The following FKBP14 variants were observed in gnomAD, a reference collection of about 807,000 sequenced individuals.
The protein encoded by FKBP14 is peptidyl-prolyl cis-trans isomerase FKBP14.
In FKBP14, 20 loss-of-function variants were observed where a neutral mutation model predicts 21.6. That is an observed-to-expected ratio of 0.92 (90% confidence interval 0.65 to 1.34). The LOEUF (loss-of-function observed/expected upper bound fraction) is 1.34. Ranked by LOEUF, FKBP14 falls within the 40% of genes most tolerant of loss-of-function variation. The pLI is 0.00. For missense variants in FKBP14, 253 were observed against 249.0 expected, an observed-to-expected ratio of 1.02 and a Z score of -0.11; for synonymous variants, 79 against 86.7, an observed-to-expected ratio of 0.91 and a Z score of 0.49.
chr7:30,015,890 G>A (rs1445581862), intron 3 of FKBP14, among the ~76,000 whole-genome samples: 2 of 151,832 alleles, frequency 1.3e-5, no homozygotes, highest in African/African-American at 4.8e-5. Context: ...CTCCCAAAGT[G>A]CTGGGATTAC....
rs549724756 is a variant in FKBP14 at position 30,022,587 on chromosome 7, T to C, written c.349+78A>G. The C allele has an allele frequency of 9.9e-5, 142 of 1,436,520 alleles. 1 individual carries two copies. In the South Asian group the frequency reaches 2.0e-3, roughly 20 times the overall value. 89.0% of individuals were successfully genotyped at this position (1,436,520 alleles called of 1,614,324 possible). Reference sequence around the variant, plus strand: ...ACTTCCAGGGGAAAAAAAAAAGTTATAGTGACTCTAACTTCTGTCTCCTAA... The same window carrying C: ...ACTTCCAGGGGAAAAAAAAAAGTTACAGTGACTCTAACTTCTGTCTCCTAA... On this transcript the variant is annotated intron_variant, in intron 2 of 3. Transcript: ENST00000222803.
Position 30,014,540 on chromosome 7 carries a change from CT to C in FKBP14, c.*194del. On this transcript the variant is annotated 3_prime_UTR_variant, in exon 4 of 4. Coordinates refer to ENST00000222803, the MANE Select transcript of FKBP14 (RefSeq NM_017946.4). ...AGTCTTCTATTCAAAGACCAATTAGCTTTTTCTTCCCAATAACTTATCAGAA... is the reference window on the plus strand; with the variant it reads ...AGTCTTCTATTCAAAGACCAATTAGCTTTTCTTCCCAATAACTTATCAGAA... 2.8e-6 allele frequency: 1 copy of C among 355,902 alleles called. No individual in the cohort carries two copies. The highest frequency in any genetic ancestry group is 4.9e-6 in the Non-Finnish European group (1 of 203,128). The allele number at this position is 355,902 out of a possible 1,614,324, so 22.0% of individuals were successfully genotyped here. A position where few individuals can be genotyped will look rare whatever the true frequency, so the allele number is the denominator to read the frequency against.
Position 30,010,650 on chromosome 7 carries a change from T to C in FKBP14, c.*4085A>G, listed in dbSNP as rs1335757386. The C allele has an allele frequency of 6.6e-6, 1 of 152,214 alleles. No individual in the cohort carries two copies. The highest frequency in any genetic ancestry group is 1.5e-5 in the Non-Finnish European group (1 of 68,044). 9.4% of individuals were successfully genotyped at this position (152,214 alleles called of 1,614,324 possible). A position where few individuals can be genotyped will look rare whatever the true frequency, so the allele number is the denominator to read the frequency against. Reference sequence around the variant, plus strand: ...CAATATAGTCATGTAAATTTAAATATGGCACACTGAGCAGTATTGACGCAA... The same window carrying C: ...CAATATAGTCATGTAAATTTAAATACGGCACACTGAGCAGTATTGACGCAA... On this transcript the variant is annotated 3_prime_UTR_variant, in exon 4 of 4. Coordinates refer to ENST00000222803, the MANE Select transcript of FKBP14 (RefSeq NM_017946.4).
chr7:30,024,474 C>T (rs1237033361), intron 1 of FKBP14, among the ~76,000 whole-genome samples: 1 of 152,216 alleles, frequency 6.6e-6, no homozygotes, highest in African/African-American at 2.4e-5. Flanking sequence ...AATCTTGGCT[C>T]ACTGCAGCCT....
chr7:30,022,168 A>C (rs1210306555), intron 2 of FKBP14, among the ~76,000 whole-genome samples: 1 of 152,222 alleles, frequency 6.6e-6, no homozygotes, highest in African/African-American at 2.4e-5. Context: ...AAATGCATTC[A>C]ATACTTTAAT....
At chr7:30,019,161 C>A in intron 2 of FKBP14, 38 bp from the exon 3 acceptor site, 1 of 1,541,130 alleles carries the variant, frequency 6.5e-7, no homozygotes, top group Non-Finnish European at 8.6e-7. Context: ...TTTAAAAGAG[C>A]CAAAAGTTTT....
rs112905680 is a variant in FKBP14 at position 30,026,475 on chromosome 7, G to C, written c.34C>G (p.Leu12Val). 5.3e-4 allele frequency: 860 copies of C among 1,613,416 alleles called. 5 individuals are homozygous for C. In the African/African-American group the frequency reaches 0.01, roughly 20 times the overall value. The change falls in exon 1 of 4, where the codon CTG (leucine) becomes GTG (valine). Residue 12 changes from leucine (L) to valine (V), a missense_variant. Coordinates refer to ENST00000222803, the MANE Select transcript of FKBP14 (RefSeq NM_017946.4). ...GCCCCAATCAAAGAAGTGACGAACA[G>C]AGTCAAGACCGCGTTCCACAAGAAA... ...RLFLWNAVLT[L>V]FVTSLIGALI...
chr7:30,026,696 GTT>G lies in FKBP14; in HGVS notation c.-190_-189del. The G allele has an allele frequency of 1.9e-6, 1 of 517,800 alleles. No homozygotes were observed. The highest frequency in any genetic ancestry group is 3.3e-5 in the Admixed American group (1 of 30,334). The allele number at this position is 517,800 out of a possible 1,614,324, so 32.1% of individuals were successfully genotyped here. A position where few individuals can be genotyped will look rare whatever the true frequency, so the allele number is the denominator to read the frequency against. On this transcript the variant is annotated 5_prime_UTR_variant, in exon 1 of 4. Coordinates refer to ENST00000222803, the MANE Select transcript of FKBP14 (RefSeq NM_017946.4). ...AGGGTCACGAACCTACCTTTAAAGA[GTT>G]AAGCCCAAATGCCGGCCTGACTGGC...
intron 2 of FKBP14, 142 bp from the exon 3 acceptor site, chr7:30,019,265 T>C (rs1046593412): frequency 1.1e-5 from 8 of 736,772 alleles, no homozygotes; most frequent in African/African-American, 3.7e-5. Flanking sequence ...AAATTATGTA[T>C]ATTATATTTT....
intron 3 of FKBP14, 115 bp downstream of exon 3, chr7:30,018,879 AGT>A: frequency 9.7e-7 from 1 of 1,028,006 alleles, no homozygotes; most frequent in Non-Finnish European, 1.4e-6. Flanking sequence ...CCTAAATAAA[AGT>A]AGATTTGAAA....
intron 2 of FKBP14, among the ~76,000 whole-genome samples, chr7:30,019,903 A>G (rs916230848): frequency 1.3e-5 from 2 of 152,126 alleles, no homozygotes; most frequent in Non-Finnish European, 2.9e-5. Context: ...TATATGTTGA[A>G]GACATTTCAT....
At chr7:30,018,541 T>A (rs191387063) in intron 3 of FKBP14, among the ~76,000 whole-genome samples, 1 of 152,352 alleles carries the variant, frequency 6.6e-6, no homozygotes, top group African/African-American at 2.4e-5. Flanking sequence ...TGTAAGTTGC[T>A]TGCTGTTAAT....
chr7:30,010,506 G>A (rs904154853), downstream of FKBP14: 2 of 152,068 alleles, frequency 1.3e-5, no homozygotes, highest in Non-Finnish European at 2.9e-5. Context: ...CTCACTTTTG[G>A]TATAAAATTT....
chr7:30,026,681 A>AC lies in FKBP14; in HGVS notation c.-174dup. On this transcript the variant is annotated 5_prime_UTR_variant, in exon 1 of 4. Coordinates refer to ENST00000222803, the MANE Select transcript of FKBP14 (RefSeq NM_017946.4). Reference sequence around the variant, plus strand: ...CCAACTCTTTTCTCAAGGGTCACGAACCTACCTTTAAAGAGTTAAGCCCAA... The same window carrying AC: ...CCAACTCTTTTCTCAAGGGTCACGAACCCTACCTTTAAAGAGTTAAGCCCAA... The AC allele has an allele frequency of 1.7e-6, 1 of 584,190 alleles. No individual in the cohort carries two copies. The highest frequency in any genetic ancestry group is 2.9e-6 in the Non-Finnish European group (1 of 341,676). 36.2% of individuals were successfully genotyped at this position (584,190 alleles called of 1,614,324 possible).
chr7:30,018,162 T>C (rs1323786616), intron 3 of FKBP14, among the ~76,000 whole-genome samples: 1 of 152,100 alleles, frequency 6.6e-6, no homozygotes, highest in East Asian at 1.9e-4. Context: ...TACTATGAGG[T>C]GTTATAAATT....
Position 30,019,141 on chromosome 7 carries a change from G to A in FKBP14, c.350-18C>T. 2.6e-6 allele frequency: 4 copies of A among 1,553,564 alleles called. No homozygotes were observed. Among genetic ancestry groups the A allele is most frequent in the East Asian group, 2.4e-5 (1 of 40,902 alleles). On this transcript the variant is annotated intron_variant, in intron 2 of 3. Transcript: ENST00000222803. ...AATTTTACCTGACGTGAGGAAAGAA[G>A]GCAGAAAGTTTTAAAAGAGCCAAAA...
chr7:30,022,607 T>G (rs953854797), intron 2 of FKBP14, 58 bp downstream of exon 2: 14 of 1,534,252 alleles, frequency 9.1e-6, no homozygotes, highest in Middle Eastern at 1.9e-4. Flanking sequence ...AACTTCTGTC[T>G]CCTAATCCAG....
At chr7:30,020,982 G>C (rs139516236) in intron 2 of FKBP14, among the ~76,000 whole-genome samples, 1 of 152,182 alleles carries the variant, frequency 6.6e-6, no homozygotes, top group Non-Finnish European at 1.5e-5. Context: ...TCCTTCTCAG[G>C]AAATGGGCTG....
chr7:30,014,930 A>C (rs771181761), intron 3 of FKBP14, 37 bp from the exon 4 acceptor site: 2 of 1,448,960 alleles, frequency 1.4e-6, no homozygotes, highest in Non-Finnish European at 1.9e-6. Flanking sequence ...ACTTGGATTC[A>C]TAAGATACCC....
Sources: allele counts gnomAD v4.1 joint callset (sites outside exome capture counted in the v4.1 genomes callset), GRCh38; gene constraint gnomAD v4.1.1; transcripts MANE v1.5; gene names NCBI Gene and HGNC (gene_info 2026-07-23, HGNC 2026-07-21).